The following EMSY variants were observed in gnomAD, a reference collection of about 807,000 sequenced individuals.
The protein encoded by EMSY is EMSY transcriptional repressor, BRCA2 interacting.
In EMSY, 26 loss-of-function variants were observed where a neutral mutation model predicts 134.6. That is an observed-to-expected ratio of 0.19 (90% confidence interval 0.14 to 0.27). EMSY has a LOEUF of 0.27. Among genes scored for constraint, EMSY ranks in the 10% least tolerant of loss-of-function variants. The pLI, the probability that EMSY is intolerant of heterozygous loss-of-function variation, is 1.00. For synonymous variants in EMSY, 579 were observed against 577.8 expected, an observed-to-expected ratio of 1.00 and a Z score of -0.03; for missense variants, 1,305 against 1,611.4, an observed-to-expected ratio of 0.81 and a Z score of 3.26.
intron 9 of EMSY, among the ~76,000 whole-genome samples, chr11:76,508,096 C>T (rs1950148381): frequency 6.6e-6 from 1 of 152,016 alleles, no homozygotes; most frequent in African/African-American, 2.4e-5. Flanking sequence ...GTCTCAAACT[C>T]CTGGGCTCAA....
At position 76,480,041 on chromosome 11, in the gene EMSY, T is replaced by G. The variant is rs1948909973; in HGVS notation, c.1108+7201T>G. Among the ~76,000 whole-genome samples the G allele has an allele frequency of 2.0e-5, 3 of 152,214 alleles. No homozygotes were observed. In the South Asian group the frequency reaches 6.2e-4, roughly 31 times the overall value. On this transcript the variant is annotated intron_variant, in intron 8 of 20. Transcript: ENST00000334736. ...TTTAAAAATTTGTGGTGATAAAGCA[T>G]TTGTTGATGATGAAGCAGCAAGAAG...
At chr11:76,551,758 C>T (rs1209426774), downstream of EMSY, 1 of 152,120 alleles carries the variant, frequency 6.6e-6, no homozygotes, top group Non-Finnish European at 1.5e-5. Flanking sequence ...TATGAACTCT[C>T]ACCAAAAAGA....
intron 8 of EMSY, among the ~76,000 whole-genome samples, chr11:76,483,082 A>G (rs1380581082): frequency 1.3e-5 from 2 of 152,206 alleles, no homozygotes; most frequent in Non-Finnish European, 2.9e-5. Context: ...GCCAGAAGAG[A>G]GTGGTGGCCA....
intron 14 of EMSY, among the ~76,000 whole-genome samples, chr11:76,529,905 A>T (rs982465360): frequency 4.6e-5 from 7 of 152,222 alleles, no homozygotes; most frequent in African/African-American, 1.4e-4. Flanking sequence ...TTATTCTCCA[A>T]TCATTTCTTT....
rs892387901 is a variant in EMSY, at chr11:76,503,723, G to C, written c.1363+7254G>C. Among the ~76,000 whole-genome samples the C allele has an allele frequency of 2.0e-5, 3 of 152,238 alleles. No individual in the cohort carries two copies. The East Asian group carries it at 5.8e-4, about 29-fold the overall frequency. ...GCAAAGGATTCTTGGATATAACAAT[G>C]AAAGCATGAGCAACAAAAAGAAAAT... is the stretch of plus-strand genomic sequence containing the variant. On this transcript the variant is annotated intron_variant, in intron 9 of 20. Coordinates refer to ENST00000334736, the Ensembl canonical transcript of EMSY.
chr11:76,500,074 C>T (rs1949800751), intron 9 of EMSY, among the ~76,000 whole-genome samples: 1 of 97,312 alleles, frequency 1.0e-5, no homozygotes, highest in Admixed American at 1.3e-4. Context: ...GAGAGCCTAT[C>T]TCAAAAAAAA....
chr11:76,540,147 C>T (rs951645265), intron 17 of EMSY, among the ~76,000 whole-genome samples: 2 of 152,104 alleles, frequency 1.3e-5, no homozygotes, highest in Non-Finnish European at 2.9e-5. Context: ...ATCCATTTCA[C>T]TTCTTAATAA....
In EMSY at chr11:76,459,932, G is replaced by T; in HGVS notation, c.422-4G>T. 3 of 1,613,900 alleles carry T rather than the reference G, an allele frequency of 1.9e-6. No homozygotes were observed. The highest frequency in any genetic ancestry group is 2.5e-6 in the Non-Finnish European group (3 of 1,179,866). On this transcript the variant is annotated splice_polypyrimidine_tract_variant and splice_region_variant and intron_variant, in intron 5 of 20. Coordinates refer to ENST00000334736, the Ensembl canonical transcript of EMSY. Reference sequence around the variant, plus strand: ...AGCAAACTTTTTTATCGTTCCTTCAGTAGTGGTTTGCTATTCCTACACAAG... The same window carrying T: ...AGCAAACTTTTTTATCGTTCCTTCATTAGTGGTTTGCTATTCCTACACAAG...
At chr11:76,472,950 C>G in intron 8 of EMSY, 110 bp downstream of exon 9, 1 of 1,115,776 alleles carries the variant, frequency 9.0e-7, no homozygotes, top group South Asian at 1.5e-5. Context: ...TACTATTAGA[C>G]CCAAGATCAC....
At chr11:76,488,610 A>G (rs993532992) in intron 8 of EMSY, among the ~76,000 whole-genome samples, 1 of 152,062 alleles carries the variant, frequency 6.6e-6, no homozygotes, top group South Asian at 2.1e-4. Context: ...CTTGCAAAAT[A>G]CGATGTGATT....
At chr11:76,549,496 G>T (rs899855368) in intron 20 of EMSY, among the ~76,000 whole-genome samples, 2 of 138,678 alleles carry the variant, frequency 1.4e-5, no homozygotes, top group African/African-American at 5.2e-5. Flanking sequence ...GCAAAATTAG[G>T]CTACATTTAC....
chr11:76,521,435 G>A (rs1950632046), intron 11 of EMSY, among the ~76,000 whole-genome samples: 1 of 152,054 alleles, frequency 6.6e-6, no homozygotes, highest in Admixed American at 6.5e-5. Context: ...GAGATTAAGG[G>A]GCTTTCATCT....
At chr11:76,493,910 A>G (rs1161379338) in intron 8 of EMSY, among the ~76,000 whole-genome samples, 1 of 152,164 alleles carries the variant, frequency 6.6e-6, no homozygotes, top group African/African-American at 2.4e-5. Context: ...AGGAGAGAAG[A>G]GCTGCAGCCC....
intron 19 of EMSY, 32 bp downstream of exon 20, chr11:76,544,854 ACTT>A (rs1565368202): frequency 1.9e-6 from 3 of 1,600,578 alleles, no homozygotes; most frequent in Non-Finnish European, 2.6e-6. Context: ...GCAAAGTTAA[ACTT>A]CTCTGTTCAC....
At chr11:76,466,909 G>A (rs957366295) in intron 7 of EMSY, among the ~76,000 whole-genome samples, 1 of 152,146 alleles carries the variant, frequency 6.6e-6, no homozygotes, top group South Asian at 2.1e-4. Flanking sequence ...AAATGAGATT[G>A]GATATTTAAA....
At chr11:76,469,788 C>G (rs888593700) in intron 7 of EMSY, among the ~76,000 whole-genome samples, 6 of 152,164 alleles carry the variant, frequency 3.9e-5, no homozygotes, top group East Asian at 3.9e-4. Flanking sequence ...GAGGCAGGAT[C>G]TAAGTGCAGG....
chr11:76,505,750 G>A (rs1950049637), intron 9 of EMSY, among the ~76,000 whole-genome samples: 1 of 152,020 alleles, frequency 6.6e-6, no homozygotes, highest in Non-Finnish European at 1.5e-5. Flanking sequence ...CCAGCTACTT[G>A]GGAGGCTGAG....
At chr11:76,523,709 T>TTTTC (rs1950735331) in intron 12 of EMSY, among the ~76,000 whole-genome samples, 1 of 145,994 alleles carries the variant, frequency 6.8e-6, no homozygotes, top group Non-Finnish European at 1.5e-5. Flanking sequence ...ACTTTCTTTT[T>TTTTC]TTTTTTTTTT....
exon 10 of EMSY, chr11:76,513,444 A>G (rs761537015): frequency 6.2e-7 from 1 of 1,613,790 alleles, no homozygotes; most frequent in South Asian, 1.1e-5. Context: ...AACCAGTGAC[A>G]GCAACTCTAC....
Sources: allele counts gnomAD v4.1 joint callset (sites outside exome capture counted in the v4.1 genomes callset), GRCh38; gene constraint gnomAD v4.1.1; transcripts MANE v1.5; gene names NCBI Gene and HGNC (gene_info 2026-07-23, HGNC 2026-07-21).